The following PXDN variants were observed in gnomAD, a reference collection of about 807,000 sequenced individuals.
PXDN encodes the protein peroxidasin homolog.
In PXDN, 77 loss-of-function variants were observed where a neutral mutation model predicts 140.3. The observed-to-expected ratio is 0.55, with a 90% CI of 0.46 to 0.66. The LOEUF (loss-of-function observed/expected upper bound fraction) is 0.66. Ranked by LOEUF, PXDN falls within the 30% of genes least tolerant of loss-of-function variation. The pLI is 0.00. For missense variants in PXDN, 1,838 were observed against 2,039.5 expected (o/e 0.90, Z 1.90); for synonymous variants, 911 against 857.4 (o/e 1.06, Z -1.09).
intron 9 of PXDN, among the ~76,000 whole-genome samples, chr2:1,668,362 T>G (rs1250449884): frequency 3.3e-5 from 5 of 152,156 alleles, no homozygotes; most frequent in African/African-American, 1.2e-4. Context: ...GAAGAAAACC[T>G]AGGCAATAAC....
chr2:1,662,587 T>G (rs985046402), intron 12 of PXDN, among the ~76,000 whole-genome samples: 3 of 152,116 alleles, frequency 2.0e-5, no homozygotes, highest in Non-Finnish European at 4.4e-5. Flanking sequence ...AGCCCGACTC[T>G]CGGAGAAGGA....
rs780699312 is a variant in PXDN at position 1,673,668 on chromosome 2, C to A, written c.993G>T (p.Val331=). ...NVAGEVKTQE[V]TLRYFGSPAR... ...CTGGAGACCCGAAGTACCTGAGGGTCACCTCTTGCGTCTTCACCTCTCCGG... is the reference window on the plus strand; with the variant it reads ...CTGGAGACCCGAAGTACCTGAGGGTAACCTCTTGCGTCTTCACCTCTCCGG... The change falls in exon 9 of 23, where the codon GTG becomes GTT. Residue 331 remains valine (V), a synonymous_variant. Coordinates refer to ENST00000252804, the MANE Select transcript of PXDN (RefSeq NM_012293.3). 7.4e-6 allele frequency: 12 copies of A among 1,613,156 alleles called. No individual in the cohort carries two copies. The African/African-American group carries it at 1.6e-4, about 22-fold the overall frequency.
intron 1 of PXDN, among the ~76,000 whole-genome samples, chr2:1,713,219 C>T (rs1411048664): frequency 2.0e-5 from 3 of 152,130 alleles, no homozygotes; most frequent in East Asian, 1.9e-4. Flanking sequence ...GATTCAGACA[C>T]GCTCCCCAGA....
Position 1,673,627 on chromosome 2 carries a change from A to C in PXDN, c.1018+16T>G, listed in dbSNP as rs1452695436. 1 of 1,596,392 alleles carries C rather than the reference A, an allele frequency of 6.3e-7. No individual in the cohort carries two copies. The highest frequency in any genetic ancestry group is 2.2e-5 in the East Asian group (1 of 44,502). On this transcript the variant is annotated intron_variant, in intron 9 of 22. Transcript: ENST00000252804. The stretch of plus-strand genomic sequence containing the variant: ...AATTCTGGATGGAACCCCGGTGTGA[A>C]ATGCCCGCCACATACCTGGAGACCC...
chr2:1,635,123 G>T (rs2125399838), intron 22 of PXDN, among the ~76,000 whole-genome samples: 1 of 150,794 alleles, frequency 6.6e-6, no homozygotes, highest in Admixed American at 6.6e-5. Flanking sequence ...GGGAGGTGAA[G>T]CCAGTGCACA....
intron 8 of PXDN, 83 bp from the exon 9 acceptor site, chr2:1,673,895 C>A: frequency 6.8e-7 from 1 of 1,469,386 alleles, no homozygotes; most frequent in South Asian, 1.2e-5. Flanking sequence ...GGGTTTCCAG[C>A]CCTGCAGCAG....
intron 1 of PXDN, among the ~76,000 whole-genome samples, chr2:1,720,268 A>G (rs138434045): frequency 0.025 from 1,650 of 65,308 alleles, 35 homozygotes; most frequent in East Asian, 0.22. Flanking sequence ...AGAGAGAGAG[A>G]GAGGGAGGGA....
At chr2:1,650,034 C>A (rs1054581797) in intron 16 of PXDN, among the ~76,000 whole-genome samples, 1 of 152,158 alleles carries the variant, frequency 6.6e-6, no homozygotes, top group South Asian at 2.1e-4. Context: ...ACTGTTCCAA[C>A]CTCACTTTAA....
chr2:1,675,257 G>C (rs906406998), intron 8 of PXDN, among the ~76,000 whole-genome samples: 1 of 152,158 alleles, frequency 6.6e-6, no homozygotes, highest in South Asian at 2.1e-4. Context: ...GGTGAGACTC[G>C]AGCTGGTGGA....
chr2:1,715,295 C>A (rs950191973), intron 1 of PXDN, among the ~76,000 whole-genome samples: 1 of 152,104 alleles, frequency 6.6e-6, no homozygotes, highest in Non-Finnish European at 1.5e-5. Context: ...GCACGTGAAA[C>A]AACTGCAGGA....
In PXDN at chr2:1,649,210, CA is replaced by C. The variant is rs1408683917; in HGVS notation, c.2569del (p.Cys857AlafsTer5). 3 of 1,611,580 alleles carry C rather than the reference CA, an allele frequency of 1.9e-6. No homozygotes were observed. The highest frequency in any genetic ancestry group is 1.7e-6 in the Non-Finnish European group (2 of 1,179,434). On this transcript the variant is annotated frameshift_variant, in exon 17 of 23. Transcript: ENST00000252804. LOFTEE classifies it high-confidence loss of function. The surrounding 1 kb of genome is among the most constrained non-coding windows in gnomAD (Gnocchi z 7.1). ...CSNVCSNDPP[C>X]FSVMIPPNDS... is the part of the protein sequence containing the mutation. ...ATTGGGGGGGATCATGACAGAGAAG[CA>C]GGGGGGGTCGTTGCTGCACACGTTG...
chr2:1,730,204 G>A (rs1474186500), intron 1 of PXDN, among the ~76,000 whole-genome samples: 3 of 152,168 alleles, frequency 2.0e-5, no homozygotes, highest in African/African-American at 7.2e-5. Flanking sequence ...TTTCTAACAT[G>A]AACATGTGTA....
intron 1 of PXDN, among the ~76,000 whole-genome samples, chr2:1,711,670 C>T (rs1426624877): frequency 1.4e-5 from 2 of 147,722 alleles, no homozygotes; most frequent in Non-Finnish European, 3.0e-5. Flanking sequence ...CCACTCTCCA[C>T]CAGCACCTGC....
At chr2:1,674,876 A>G (rs1170563144) in intron 8 of PXDN, among the ~76,000 whole-genome samples, 2 of 152,078 alleles carry the variant, frequency 1.3e-5, no homozygotes, top group Non-Finnish European at 2.9e-5. Flanking sequence ...CGAGTTTCCT[A>G]AGGAGCCTGT....
chr2:1,693,139 G>GA lies in PXDN; in HGVS notation c.201-6dup. Reference sequence around the variant, plus strand: ...ATTCTGTTAAAGCGAAGATCTCTGTGAAGAAACAAGAAAGGTATTATTACG... The same window carrying GA: ...ATTCTGTTAAAGCGAAGATCTCTGTGAAAGAAACAAGAAAGGTATTATTACG... On this transcript the variant is annotated splice_polypyrimidine_tract_variant and splice_region_variant and intron_variant, in intron 1 of 22. Transcript: ENST00000252804. 1 of 1,544,332 alleles carries GA rather than the reference G, an allele frequency of 6.5e-7. No individual in the cohort carries two copies. Among genetic ancestry groups the GA allele is most frequent in the Non-Finnish European group, 8.8e-7 (1 of 1,141,746 alleles).
rs574388403 is a variant in PXDN, at chr2:1,674,101, C to CA, written c.849-290dup. On this transcript the variant is annotated intron_variant, in intron 8 of 22. Transcript: ENST00000252804. ...TAATTCCAAAGGAGAAAGCAATGAA[C>CA]AAAACGGAAAAAATTCCAAGGAAAC... Among the ~76,000 whole-genome samples, 116 of 152,258 alleles carry CA rather than the reference C, an allele frequency of 7.6e-4. 4 individuals are homozygous for CA. The East Asian group carries it at 0.018, about 24-fold the overall frequency.
At position 1,648,384 on chromosome 2, in the gene PXDN, C is replaced by T. The variant is rs572948126; in HGVS notation, c.3396G>A (p.Ser1132=). 5.6e-6 allele frequency: 9 copies of T among 1,612,890 alleles called. No homozygotes were observed. In the East Asian group the frequency reaches 6.7e-5, roughly 12 times the overall value. The change falls in exon 17 of 23, where the codon TCG becomes TCA. Residue 1132 remains serine (S), a synonymous_variant. Coordinates refer to ENST00000252804, the MANE Select transcript of PXDN (RefSeq NM_012293.3). The surrounding 1 kb of genome is among the most constrained non-coding windows in gnomAD (Gnocchi z 8.9). ...CCGTGAGCTCCGTGTTCAGCAGCTG[C>T]GAGGGCACACGCATTTTCCCCGCCA... ...FGVAGKMRVP[S]QLLNTELTER...
chr2:1,634,414 G>C lies in PXDN; in HGVS notation c.4321-91C>G, dbSNP rs1682494557. 1.6e-5 allele frequency: 24 copies of C among 1,462,666 alleles called. 1 individual carries two copies. The South Asian group carries it at 3.2e-4, about 19-fold the overall frequency. 90.6% of individuals were successfully genotyped at this position (1,462,666 alleles called of 1,614,324 possible). ...CAGCTCCGGGACAGGTGTCAGCCAC[G>C]GCCATGAGTCAGGCCTTGCCCTGAG... On this transcript the variant is annotated intron_variant, in intron 22 of 22. Coordinates refer to ENST00000252804, the MANE Select transcript of PXDN (RefSeq NM_012293.3).
intron 9 of PXDN, among the ~76,000 whole-genome samples, chr2:1,668,572 C>A (rs1185214595): frequency 6.6e-5 from 10 of 150,674 alleles, no homozygotes; most frequent in Non-Finnish European, 1.3e-4. Flanking sequence ...GGTCTAATAT[C>A]CAGAATCTAC....
Sources: allele counts gnomAD v4.1 joint callset (sites outside exome capture counted in the v4.1 genomes callset), GRCh38; gene constraint gnomAD v4.1.1; non-coding constraint Gnocchi (gnomAD v3.1); transcripts MANE v1.5; gene names NCBI Gene and HGNC (gene_info 2026-07-23, HGNC 2026-07-21).